PLAC9: variants seen among roughly 807,000 people sequenced by gnomAD.
PLAC9 encodes placenta associated 9.
In PLAC9, 12 loss-of-function variants were observed where a neutral mutation model predicts 11.5. The observed-to-expected ratio is 1.05, with a 90% CI of 0.67 to 1.69. PLAC9 has a LOEUF of 1.69. Ranked by LOEUF, PLAC9 falls within the 40% of genes most tolerant of loss-of-function variation. The pLI is 0.00. For missense variants in PLAC9, 132 were observed against 130.5 expected, an observed-to-expected ratio of 1.01 and a Z score of -0.06; for synonymous variants, 62 against 58.1, an observed-to-expected ratio of 1.07 and a Z score of -0.31.
At position 80,135,010 on chromosome 10, in the gene PLAC9, G is replaced by A. The variant is rs1461993477; in HGVS notation, c.64+2184G>A. 8.4e-4 allele frequency among the ~76,000 whole-genome samples: 99 copies of A among 118,412 alleles called. 1 individual carries two copies. Among genetic ancestry groups the A allele is most frequent in the Middle Eastern group, 8.3e-3 (2 of 240 alleles). The allele number at this position is 118,412 out of a possible 152,430, so 77.7% of individuals were successfully genotyped here. A position where few individuals can be genotyped will look rare whatever the true frequency, so the allele number is the denominator to read the frequency against. On this transcript the variant is annotated intron_variant, in intron 1 of 3. Coordinates refer to ENST00000372263, the MANE Select transcript of PLAC9 (RefSeq NM_001012973.3). ...TCCAACTTCCAACCTTGGTTTGTTT[G>A]TTTGTTTATTTATTTATTTATTTAT... is the stretch of plus-strand genomic sequence containing the variant.
chr10:80,135,281 C>G (rs1844962091), intron 1 of PLAC9, among the ~76,000 whole-genome samples: 1 of 148,870 alleles, frequency 6.7e-6, no homozygotes, highest in African/African-American at 2.5e-5. Flanking sequence ...CTCGGCCTCC[C>G]AAAGTGCTGG....
chr10:80,143,435 T>C (rs1589405890), intron 2 of PLAC9, among the ~76,000 whole-genome samples: 1 of 128,492 alleles, frequency 7.8e-6, no homozygotes, highest in East Asian at 2.4e-4. Flanking sequence ...TCTCACTCTG[T>C]CACCCAGGCT....
At chr10:80,133,629 C>T (rs375009772) in intron 1 of PLAC9, among the ~76,000 whole-genome samples, 12 of 152,170 alleles carry the variant, frequency 7.9e-5, no homozygotes, top group African/African-American at 2.6e-4. Context: ...GAGAGCTGTG[C>T]GGAGGAGAGA....
At chr10:80,141,972 C>A in intron 1 of PLAC9, 110 bp from the exon 2 acceptor site, 1 of 728,514 alleles carries the variant, frequency 1.4e-6, no homozygotes, top group Non-Finnish European at 2.1e-6. Context: ...CCTCCGCTTG[C>A]TCCTGAGTTT....
At chr10:80,136,638 A>AT (rs879590973) in intron 1 of PLAC9, among the ~76,000 whole-genome samples, 4 of 148,164 alleles carry the variant, frequency 2.7e-5, no homozygotes, top group Non-Finnish European at 3.0e-5. Context: ...ATCCTGGCTA[A>AT]TTTTTTTTTA....
chr10:80,138,832 G>A (rs1430567490), intron 1 of PLAC9, among the ~76,000 whole-genome samples: 4 of 152,124 alleles, frequency 2.6e-5, no homozygotes, highest in African/African-American at 9.7e-5. Flanking sequence ...ATTGCACGTA[G>A]AGAGATCAAG....
rs1844927448 is a variant in PLAC9 at position 80,132,791 on chromosome 10, G to T, written c.29G>T (p.Gly10Val). 2 of 1,500,650 alleles carry T rather than the reference G, an allele frequency of 1.3e-6. No homozygotes were observed. Among genetic ancestry groups the T allele is most frequent in the South Asian group, 1.2e-5 (1 of 80,266 alleles). 93.0% of individuals were successfully genotyped at this position (1,500,650 alleles called of 1,614,324 possible). A position where few individuals can be genotyped will look rare whatever the true frequency, so the allele number is the denominator to read the frequency against. Residue 10 changes from glycine to valine, a missense_variant, in exon 1 of 4, where the codon GGA becomes GTA. By Grantham distance (109) the Gly-to-Val change is moderately radical. Coordinates refer to ENST00000372263, the MANE Select transcript of PLAC9 (RefSeq NM_001012973.3). MRPLLCALT[G>V]LALLRAAGSL... ...CGGCCCCTGCTCTGCGCGCTGACCG[G>T]ACTGGCCCTGCTCCGCGCCGCGGGC...
At chr10:80,134,265 C>CTTTT (rs559784722) in intron 1 of PLAC9, among the ~76,000 whole-genome samples, 19 of 134,616 alleles carry the variant, frequency 1.4e-4, no homozygotes, top group South Asian at 4.9e-4. Context: ...TTCTTTCTTT[C>CTTTT]TTTTTTTTTT....
At position 80,132,801 on chromosome 10, in the gene PLAC9, G is replaced by A. The variant is rs1393269702; in HGVS notation, c.39G>A (p.Leu13=). ...PLLCALTGLA[L]LRAAGSLAAA... is the part of the protein sequence containing the mutation. ...TCTGCGCGCTGACCGGACTGGCCCT[G>A]CTCCGCGCCGCGGGCTCTTTGGCCG... The change falls in exon 1 of 4, where the codon CTG becomes CTA. Residue 13 remains leucine, a synonymous_variant. Coordinates refer to ENST00000372263, the MANE Select transcript of PLAC9 (RefSeq NM_001012973.3). 1 of 1,498,836 alleles carries A rather than the reference G, an allele frequency of 6.7e-7. No individual in the cohort carries two copies. The highest frequency in any genetic ancestry group is 8.8e-7 in the Non-Finnish European group (1 of 1,131,672). The allele number at this position is 1,498,836 out of a possible 1,614,324, so 92.8% of individuals were successfully genotyped here.
intron 1 of PLAC9, among the ~76,000 whole-genome samples, chr10:80,137,334 A>C (rs879581938): frequency 1.3e-5 from 2 of 152,192 alleles, no homozygotes; most frequent in African/African-American, 2.4e-5. Context: ...TCTGACTTCC[A>C]AAGCAGCCAG....
chr10:80,138,672 G>T (rs562968563), intron 1 of PLAC9, among the ~76,000 whole-genome samples: 2 of 152,306 alleles, frequency 1.3e-5, no homozygotes, highest in East Asian at 3.9e-4. Context: ...GGCATTTGCA[G>T]ATGGTGTGAC....
upstream of PLAC9, chr10:80,132,721 G>A: frequency 3.5e-6 from 5 of 1,426,490 alleles, no homozygotes; most frequent in Non-Finnish European, 3.7e-6. Flanking sequence ...GGGAAGGGCG[G>A]CTGCGGGCAG....
At chr10:80,140,414 C>A (rs1179068698) in intron 1 of PLAC9, among the ~76,000 whole-genome samples, 2 of 152,162 alleles carry the variant, frequency 1.3e-5, no homozygotes, top group Non-Finnish European at 2.9e-5. Context: ...TTTAGCAGGG[C>A]CTTTCTGTGC....
rs1345100772 is a variant in PLAC9 at position 80,133,880 on chromosome 10, G to T, written c.64+1054G>T. 2.7e-5 allele frequency among the ~76,000 whole-genome samples: 4 copies of T among 150,394 alleles called. No homozygotes were observed. The East Asian group carries it at 7.8e-4, about 29-fold the overall frequency. ...AATCACTTGAACCTGGGAGGCGGAG[G>T]TTGCAGTGAGCCGAGATCAAGCCAC... On this transcript the variant is annotated intron_variant, in intron 1 of 3. Coordinates refer to ENST00000372263, the MANE Select transcript of PLAC9 (RefSeq NM_001012973.3).
At chr10:80,141,128 T>G (rs771564999) in intron 1 of PLAC9, among the ~76,000 whole-genome samples, 2 of 152,090 alleles carry the variant, frequency 1.3e-5, no homozygotes, top group African/African-American at 4.8e-5. Context: ...GCTACTGAAA[T>G]ATCTCCTTTC....
chr10:80,139,502 C>A (rs1324318984), intron 1 of PLAC9, among the ~76,000 whole-genome samples: 1 of 152,218 alleles, frequency 6.6e-6, no homozygotes, highest in Non-Finnish European at 1.5e-5. Flanking sequence ...TGCTGCCCTG[C>A]ACCCAGACTG....
chr10:80,139,198 C>T (rs1463949050), intron 1 of PLAC9, among the ~76,000 whole-genome samples: 6 of 152,054 alleles, frequency 3.9e-5, no homozygotes, highest in East Asian at 1.9e-4. Context: ...ATGATCTGCC[C>T]GCCTCGGCCT....
In PLAC9 at chr10:80,144,223, A is replaced by G; in HGVS notation, c.163A>G (p.Met55Val). The G allele has an allele frequency of 6.2e-7, 1 of 1,613,980 alleles. No individual in the cohort carries two copies. Among genetic ancestry groups the G allele is most frequent in the Non-Finnish European group, 8.5e-7 (1 of 1,179,968 alleles). ...VQRRLDVMEE[M>V]VEKTVDHLGT... ...GACTTTACCCCACTTCCCACTCTAGATGGTAGAGAAGACCGTGGATCACCT... is the reference window on the plus strand; with the variant it reads ...GACTTTACCCCACTTCCCACTCTAGGTGGTAGAGAAGACCGTGGATCACCT... Residue 55 changes from methionine to valine, a missense_variant and splice_region_variant, in exon 3 of 4, where the codon ATG becomes GTG. Coordinates refer to ENST00000372263, the MANE Select transcript of PLAC9 (RefSeq NM_001012973.3).
chr10:80,135,388 C>G (rs1240536589), intron 1 of PLAC9, among the ~76,000 whole-genome samples: 1 of 130,452 alleles, frequency 7.7e-6, no homozygotes, highest in Admixed American at 9.1e-5. Context: ...TGCAGTGGTG[C>G]GATCTCAGCT....
Sources: gnomAD v4.1 joint callset for allele counts (sites outside exome capture counted in the v4.1 genomes callset) on GRCh38, gnomAD v4.1.1 for gene constraint, MANE v1.5 for transcripts, NCBI Gene and HGNC (gene_info 2026-07-23, HGNC 2026-07-21) for gene names.